RBFOX1: variants seen among roughly 807,000 people sequenced by gnomAD.
RBFOX1 encodes the protein RNA binding protein fox-1 homolog 1.
In RBFOX1, 8 loss-of-function variants were observed where a neutral mutation model predicts 57.7. That is an observed-to-expected ratio of 0.14 (90% CI 0.08 to 0.25). The LOEUF is 0.25. RBFOX1 is among the 10% of genes least tolerant of loss of function. The pLI is 1.00. For missense variants in RBFOX1, 611 were observed against 548.5 expected (o/e 1.11, Z -1.14); for synonymous variants, 326 against 222.4 (o/e 1.47, Z -4.15).
chr16:6,101,930 C>G (rs2096314707), intron 1 of RBFOX1, among the ~76,000 whole-genome samples: 1 of 152,066 alleles, frequency 6.6e-6, no homozygotes. Context: ...GAATAGTGCA[C>G]TGCAGTAGGC....
intron 2 of RBFOX1, among the ~76,000 whole-genome samples, chr16:6,318,144 C>G (rs1264433403): frequency 6.7e-6 from 1 of 148,776 alleles, no homozygotes; most frequent in Non-Finnish European, 1.5e-5. Context: ...ATAGAAAGAA[C>G]TAAAAAGATG....
At position 5,896,620 on chromosome 16, in the gene RBFOX1, G is replaced by A. The variant is rs969303742; in HGVS notation, c.351+29285G>A. On this transcript the variant is annotated intron_variant, in intron 4 of 19. Coordinates refer to the RBFOX1 transcript ENST00000641259. ...AATGTTTTTCTTTATACATTACCCA[G>A]CCTCAGGTATTCCTTTATGTTATAT... 7.9e-5 allele frequency among the ~76,000 whole-genome samples: 12 copies of A among 152,288 alleles called. No individual in the cohort carries two copies. The South Asian group carries it at 2.5e-3, about 32-fold the overall frequency.
At chr16:6,991,561 G>T (rs1380598163) in intron 3 of RBFOX1, among the ~76,000 whole-genome samples, 1 of 152,034 alleles carries the variant, frequency 6.6e-6, no homozygotes, top group African/African-American at 2.4e-5. Flanking sequence ...TTTTGAGATG[G>T]GGTCCCACTC....
At chr16:6,825,199 C>T (rs1037063827) in intron 3 of RBFOX1, among the ~76,000 whole-genome samples, 6 of 149,762 alleles carry the variant, frequency 4.0e-5, no homozygotes, top group African/African-American at 4.9e-5. Flanking sequence ...GGGGGGCTGA[C>T]GTGTTTTGGG....
At chr16:7,160,410 C>T (rs932461787) in intron 4 of RBFOX1, among the ~76,000 whole-genome samples, 1 of 151,834 alleles carries the variant, frequency 6.6e-6, no homozygotes, top group Non-Finnish European at 1.5e-5. Flanking sequence ...CTTCTTCCTC[C>T]TCCCTTTTCC....
chr16:5,823,393 C>G (rs1358274340), intron 3 of RBFOX1, among the ~76,000 whole-genome samples: 3 of 152,280 alleles, frequency 2.0e-5, no homozygotes, highest in East Asian at 1.9e-4. Context: ...GAGTCGTAAC[C>G]AAATGCAACA....
chr16:7,566,787 C>G (rs1425932493), intron 5 of RBFOX1, among the ~76,000 whole-genome samples: 1 of 152,068 alleles, frequency 6.6e-6, no homozygotes, highest in Non-Finnish European at 1.5e-5. Flanking sequence ...AAAAGCCTTC[C>G]TCAGTGATCC....
chr16:7,278,795 G>C (rs1307182655), intron 4 of RBFOX1, among the ~76,000 whole-genome samples: 1 of 152,158 alleles, frequency 6.6e-6, no homozygotes, highest in African/African-American at 2.4e-5. Flanking sequence ...TATGTACACT[G>C]ATATTCATTC....
At chr16:7,697,817 T>G (rs2079271577) in intron 14 of RBFOX1, among the ~76,000 whole-genome samples, 1 of 152,168 alleles carries the variant, frequency 6.6e-6, no homozygotes, top group African/African-American at 2.4e-5. Context: ...ATGAAACTAG[T>G]ATTTTGAGTC....
intron 3 of RBFOX1, among the ~76,000 whole-genome samples, chr16:6,987,089 A>C (rs1288277304): frequency 6.6e-6 from 1 of 152,132 alleles, no homozygotes; most frequent in Admixed American, 6.5e-5. Context: ...GCGATCTATT[A>C]GCAGCTTCCA....
chr16:6,838,212 T>A (rs1682589660), intron 3 of RBFOX1, among the ~76,000 whole-genome samples: 1 of 152,066 alleles, frequency 6.6e-6, no homozygotes, highest in Admixed American at 6.6e-5. Context: ...CAGTGTGTAT[T>A]GTTCCCTTCC....
intron 2 of RBFOX1, among the ~76,000 whole-genome samples, chr16:6,582,700 C>A (rs1412443900): frequency 6.6e-6 from 1 of 151,384 alleles, no homozygotes; most frequent in African/African-American, 2.4e-5. Flanking sequence ...CTTCTCACTT[C>A]TTCATTTCTC....
chr16:5,275,846 C>G (rs923646316), intron 1 of RBFOX1, among the ~76,000 whole-genome samples: 3 of 152,244 alleles, frequency 2.0e-5, no homozygotes, highest in Non-Finnish European at 2.9e-5. Flanking sequence ...GGCACATGAC[C>G]AATGGAACAG....
At chr16:5,399,080 A>T (rs2066642578) in intron 1 of RBFOX1, among the ~76,000 whole-genome samples, 1 of 152,168 alleles carries the variant, frequency 6.6e-6, no homozygotes, top group African/African-American at 2.4e-5. Flanking sequence ...ATTGGTGAGA[A>T]CACATGGCTT....
chr16:6,023,147 C>T (rs1169688162), intron 1 of RBFOX1, among the ~76,000 whole-genome samples: 4 of 152,104 alleles, frequency 2.6e-5, no homozygotes, highest in East Asian at 1.9e-4. Flanking sequence ...CAGTTTTTTA[C>T]ATCACCCTGA....
At chr16:6,340,247 G>A (rs1481142588) in intron 2 of RBFOX1, among the ~76,000 whole-genome samples, 2 of 152,302 alleles carry the variant, frequency 1.3e-5, no homozygotes, top group Admixed American at 1.3e-4. Flanking sequence ...TCTGCAGCAA[G>A]GGGACAGGAA....
intron 3 of RBFOX1, among the ~76,000 whole-genome samples, chr16:7,001,245 C>A (rs113428149): frequency 2.6e-5 from 4 of 152,032 alleles, no homozygotes; most frequent in Admixed American, 1.3e-4. Context: ...GAATGTCTTT[C>A]TGCTGTCTCC....
intron 3 of RBFOX1, among the ~76,000 whole-genome samples, chr16:6,942,331 C>G (rs571068479): frequency 6.6e-6 from 1 of 152,202 alleles, no homozygotes; most frequent in South Asian, 2.1e-4. Flanking sequence ...CCACGCTCAG[C>G]TAATTTTTTG....
At chr16:7,414,380 G>A (rs986368985) in intron 4 of RBFOX1, among the ~76,000 whole-genome samples, 1 of 152,176 alleles carries the variant, frequency 6.6e-6, no homozygotes, top group African/African-American at 2.4e-5. Flanking sequence ...AAGTCTTTCT[G>A]AGAAGATTAC....
Sources: allele counts gnomAD v4.1 joint callset (sites outside exome capture counted in the v4.1 genomes callset), GRCh38; gene constraint gnomAD v4.1.1; transcripts MANE v1.5; gene names NCBI Gene and HGNC (gene_info 2026-07-23, HGNC 2026-07-21).